The following TOP2B variants were observed in gnomAD, a reference collection of about 807,000 sequenced individuals.
The protein encoded by TOP2B is DNA topoisomerase II beta.
A neutral mutation model predicts 193.5 loss-of-function variants in TOP2B; 51 were observed. The ratio of observed to expected loss-of-function variants is 0.26; its 90% CI spans 0.21 to 0.33. TOP2B has a LOEUF of 0.33. Ranked by LOEUF, TOP2B falls within the 10% of genes least tolerant of loss-of-function variation. The probability of loss-of-function intolerance (pLI) is 1.00; values close to 1 mark genes in which losing one functional copy is unlikely to be tolerated. For missense variants in TOP2B, 1,378 were observed against 1,909.3 expected, an observed-to-expected ratio of 0.72 and a Z score of 5.19; for synonymous variants, 634 against 635.7, an observed-to-expected ratio of 1.00 and a Z score of 0.04.
chr3:25,648,859 C>T (rs1703493236), intron 1 of TOP2B, among the ~76,000 whole-genome samples: 2 of 151,920 alleles, frequency 1.3e-5, no homozygotes, highest in Non-Finnish European at 2.9e-5. Context: ...AAGAGCCTGT[C>T]TCAAAAAAAT....
At chr3:25,634,161 C>T in intron 7 of TOP2B, 147 bp from the exon 8 acceptor site, 1 of 585,876 alleles carries the variant, frequency 1.7e-6, no homozygotes. Context: ...TTTCCCAGAT[C>T]TATTCCTTAA....
chr3:25,648,729 G>A (rs544436729), intron 1 of TOP2B, among the ~76,000 whole-genome samples: 1 of 152,108 alleles, frequency 6.6e-6, no homozygotes, highest in African/African-American at 2.4e-5. Flanking sequence ...AGGTGTGGTA[G>A]TGCACACTTG....
chr3:25,629,399 A>G (rs971961246), intron 13 of TOP2B, among the ~76,000 whole-genome samples: 2 of 152,104 alleles, frequency 1.3e-5, no homozygotes, highest in Non-Finnish European at 2.9e-5. Flanking sequence ...AGATTTCACT[A>G]AAAGAATGAT....
Position 25,664,586 on chromosome 3 carries a change from G to T in TOP2B, c.-289C>A. The T allele has an allele frequency of 9.7e-7, 1 of 1,028,578 alleles. No individual in the cohort carries two copies. Among genetic ancestry groups the T allele is most frequent in the Non-Finnish European group, 1.2e-6 (1 of 859,010 alleles). 63.7% of individuals were successfully genotyped at this position (1,028,578 alleles called of 1,614,324 possible). A position where few individuals can be genotyped will look rare whatever the true frequency, so the allele number is the denominator to read the frequency against. ...CGACCGGCGGCGGCCGAGCGGCGGC[G>T]TTGCCTTCTCGCCCGCCCGCGGGCG... On this transcript the variant is annotated 5_prime_UTR_variant, in exon 1 of 36. Coordinates refer to ENST00000264331, the MANE Select transcript of TOP2B (RefSeq NM_001330700.2).
chr3:25,605,418 C>A (rs1186390130), intron 32 of TOP2B, among the ~76,000 whole-genome samples: 1 of 152,000 alleles, frequency 6.6e-6, no homozygotes, highest in Non-Finnish European at 1.5e-5. Context: ...AAAATAGCTA[C>A]TTGGATGTAA....
At chr3:25,602,182 G>A (rs1387456762) in intron 33 of TOP2B, among the ~76,000 whole-genome samples, 1 of 152,036 alleles carries the variant, frequency 6.6e-6, no homozygotes, top group African/African-American at 2.4e-5. Context: ...GATCACTGGA[G>A]GTCAGGAGTT....
Position 25,618,965 on chromosome 3 carries a change from AAC to A in TOP2B, c.3064-118_3064-117del, listed in dbSNP as rs2125362956. On this transcript the variant is annotated intron_variant, in intron 23 of 35. Transcript: ENST00000264331. ...TATATAACCATAATGCATGTGTGTG[AAC>A]ACAGACTACCCCTAAAAACCATTAA... The A allele has an allele frequency of 1.0e-5, 7 of 686,544 alleles. No individual in the cohort carries two copies. In the South Asian group the frequency reaches 2.6e-4, roughly 26 times the overall value. The allele number at this position is 686,544 out of a possible 1,614,324, so 42.5% of individuals were successfully genotyped here.
intron 8 of TOP2B, among the ~76,000 whole-genome samples, chr3:25,633,349 G>T (rs563789926): frequency 6.6e-6 from 1 of 152,156 alleles, no homozygotes; most frequent in Admixed American, 6.6e-5. Flanking sequence ...GAGATGCATA[G>T]GGCATAGTAC....
intron 35 of TOP2B, 95 bp from the exon 36 acceptor site, chr3:25,598,572 G>C (rs1230729187): frequency 4.4e-6 from 4 of 918,292 alleles, no homozygotes; most frequent in Non-Finnish European, 4.6e-6. Flanking sequence ...TGTTTAGGAA[G>C]TATTACAAAT....
intron 15 of TOP2B, among the ~76,000 whole-genome samples, chr3:25,628,342 G>T (rs1702865279): frequency 6.8e-6 from 1 of 147,714 alleles, no homozygotes; most frequent in South Asian, 2.2e-4. Flanking sequence ...GGGTGTGGTG[G>T]CACACACCTG....
intron 1 of TOP2B, among the ~76,000 whole-genome samples, chr3:25,649,463 T>G (rs1703515826): frequency 6.6e-6 from 1 of 150,522 alleles, no homozygotes; most frequent in Non-Finnish European, 1.5e-5. Flanking sequence ...CTGTCAAAAG[T>G]CATAGACAAA....
intron 23 of TOP2B, 78 bp from the exon 24 acceptor site, chr3:25,618,927 A>C (rs1259632599): frequency 9.2e-7 from 1 of 1,092,196 alleles, no homozygotes; most frequent in Non-Finnish European, 1.3e-6. Context: ...TACAATACTT[A>C]AAATAACCAT....
chr3:25,606,484 C>G (rs1282564579), intron 31 of TOP2B, among the ~76,000 whole-genome samples: 2 of 152,006 alleles, frequency 1.3e-5, no homozygotes, highest in Non-Finnish European at 2.9e-5. Context: ...AATAACCATT[C>G]CAGAATTTAA....
chr3:25,619,338 T>G (rs1048799844), intron 23 of TOP2B, among the ~76,000 whole-genome samples: 4 of 152,134 alleles, frequency 2.6e-5, no homozygotes, highest in African/African-American at 9.6e-5. Context: ...TCCATCAGCC[T>G]TTCTCAGCGG....
At position 25,624,384 on chromosome 3, in the gene TOP2B, T is replaced by C. The variant is rs771685976; in HGVS notation, c.2408A>G (p.Asn803Ser). The change falls in exon 20 of 36, where the codon AAC becomes AGC. Residue 803 changes from asparagine (N) to serine (S), a missense_variant. Asn to Ser is a conservative substitution (Grantham distance 46). Transcript: ENST00000264331. ...AAACTGACCAATAGGCTGAAGCAAGTTAATGTTGTTACTTCCCACAAAGTT... is the reference window on the plus strand; with the variant it reads ...AAACTGACCAATAGGCTGAAGCAAGCTAATGTTGTTACTTCCCACAAAGTT... ...AQNFVGSNNI[N>S]LLQPIGQFGT... 6.2e-7 allele frequency: 1 copy of C among 1,613,914 alleles called. No individual in the cohort carries two copies. The highest frequency in any genetic ancestry group is 8.5e-7 in the Non-Finnish European group (1 of 1,179,846).
At chr3:25,617,910 G>A (rs1031993902) in intron 25 of TOP2B, among the ~76,000 whole-genome samples, 1 of 152,020 alleles carries the variant, frequency 6.6e-6, no homozygotes, top group African/African-American at 2.4e-5. Context: ...TTAAATCTCT[G>A]GCTAAAAATC....
At position 25,636,154 on chromosome 3, in the gene TOP2B, A is replaced by G; in HGVS notation, c.640-6T>C. The G allele has an allele frequency of 6.5e-7, 1 of 1,540,078 alleles. No homozygotes were observed. Among genetic ancestry groups the G allele is most frequent in the Non-Finnish European group, 8.8e-7 (1 of 1,137,772 alleles). Reference sequence around the variant, plus strand: ...ATCATATTATTCATCCATGTCTTTAAAAGAAAAAAATTCAAATATTTCTAT... The same window carrying G: ...ATCATATTATTCATCCATGTCTTTAGAAGAAAAAAATTCAAATATTTCTAT... On this transcript the variant is annotated splice_region_variant and splice_polypyrimidine_tract_variant and intron_variant, in intron 6 of 35. Coordinates refer to ENST00000264331, the MANE Select transcript of TOP2B (RefSeq NM_001330700.2).
rs1405669453 is a variant in TOP2B at position 25,601,099 on chromosome 3, C to T, written c.4615+1G>A. On this transcript the variant is annotated splice_donor_variant, in intron 34 of 35. Transcript: ENST00000264331. LOFTEE classifies it high-confidence loss of function. ...AAGGGTTATAAGAAGATAATCCTCACCTTTTGGTGTTGTAGTCTTCTTTGG... is the reference window on the plus strand; with the variant it reads ...AAGGGTTATAAGAAGATAATCCTCATCTTTTGGTGTTGTAGTCTTCTTTGG... 6.2e-7 allele frequency: 1 copy of T among 1,613,280 alleles called. No homozygotes were observed.
At chr3:25,617,982 CTT>C (rs1456463379) in intron 25 of TOP2B, 6 of 157,554 alleles carry the variant, frequency 3.8e-5, no homozygotes, top group African/African-American at 7.2e-5. Flanking sequence ...CATTTTGTCT[CTT>C]GTCTTCCCAG....
Sources: gnomAD v4.1 joint callset for allele counts (sites outside exome capture counted in the v4.1 genomes callset) on GRCh38, gnomAD v4.1.1 for gene constraint, MANE v1.5 for transcripts, NCBI Gene and HGNC (gene_info 2026-07-23, HGNC 2026-07-21) for gene names.